Variants in BCOR observed in about 807,000 individuals in gnomAD.
BCOR encodes the protein BCL6 corepressor, also known as BCL-6 corepressor.
A neutral mutation model predicts 86.7 loss-of-function variants in BCOR; 10 were observed. The ratio of observed to expected loss-of-function variants is 0.12; its 90% CI spans 0.07 to 0.20. The LOEUF (loss-of-function observed/expected upper bound fraction) is 0.20. BCOR is among the 10% of genes least tolerant of loss of function. BCOR has a pLI of 1.00. For missense variants in BCOR, 1,259 were observed against 1,452.1 expected, an observed-to-expected ratio of 0.87 and a Z score of 2.16; for synonymous variants, 611 against 609.0, an observed-to-expected ratio of 1.00 and a Z score of -0.05.
Position 40,074,437 on chromosome X carries a change from G to A in BCOR, c.909C>T (p.Ala303=), listed in dbSNP as rs150340697. The A allele has an allele frequency of 7.5e-5, 90 of 1,206,989 alleles. 1 individual carries two copies. The African/African-American group carries it at 1.4e-3, about 19-fold the overall frequency. The change falls in exon 4 of 15, where the codon GCC becomes GCT. Residue 303 remains alanine, a synonymous_variant. Coordinates refer to ENST00000378444, the MANE Select transcript of BCOR (RefSeq NM_001123385.2). The part of the protein sequence containing the change: ...VSPGNPVDSH[A]YPHIQNSKQP... The stretch of plus-strand genomic sequence containing the variant: ...GCTTACTGTTCTGGATGTGAGGATA[G>A]GCGTGGGAATCAACAGGATTCCCAG...
chrX:40,084,403 C>A (rs1007923168), intron 1 of BCOR, among the ~76,000 whole-genome samples: 19 of 112,045 alleles, frequency 1.7e-4, no homozygotes, highest in Admixed American at 8.4e-4. Context: ...CAGGAAACCA[C>A]GTGTGTATTC....
intron 1 of BCOR, among the ~76,000 whole-genome samples, chrX:40,149,988 C>T (rs1938136461): frequency 8.9e-6 from 1 of 112,371 alleles, no homozygotes; most frequent in South Asian, 3.6e-4. Flanking sequence ...GGAAAGGGGA[C>T]GAGAAGGAGA....
chrX:40,089,250 T>C, intron 1 of BCOR, among the ~76,000 whole-genome samples: 1 of 111,641 alleles, frequency 9.0e-6, no homozygotes, highest in East Asian at 2.8e-4. Flanking sequence ...ATTCCCAGTC[T>C]TACAAATGAA....
At chrX:40,125,006 G>A (rs889061719) in intron 1 of BCOR, among the ~76,000 whole-genome samples, 1 of 106,291 alleles carries the variant, frequency 9.4e-6, no homozygotes, top group Non-Finnish European at 1.9e-5. Context: ...GACAGAGGAT[G>A]GAGGGGTGTG....
chrX:40,093,488 G>C (rs1275868431), intron 1 of BCOR, among the ~76,000 whole-genome samples: 1 of 111,379 alleles, frequency 9.0e-6, no homozygotes, highest in Non-Finnish European at 1.9e-5. Flanking sequence ...GCTGAAGAAA[G>C]AACTAGATAA....
intron 1 of BCOR, among the ~76,000 whole-genome samples, chrX:40,138,015 C>T (rs1243288115): frequency 2.7e-5 from 3 of 111,000 alleles, no homozygotes; most frequent in African/African-American, 9.8e-5. Context: ...TGCAATGGCG[C>T]TATCTTGGCT....
At chrX:40,069,607 G>A (rs1046396854) in intron 6 of BCOR, among the ~76,000 whole-genome samples, 3 of 112,499 alleles carry the variant, frequency 2.7e-5, no homozygotes, top group Admixed American at 1.9e-4. Flanking sequence ...CTTATGTATG[G>A]CACTCCCTCT....
chrX:40,128,537 C>A (rs1937570819), intron 1 of BCOR, among the ~76,000 whole-genome samples: 1 of 111,697 alleles, frequency 9.0e-6, no homozygotes, highest in East Asian at 2.8e-4. Context: ...CAGAGTGAGA[C>A]CCTGTCTCCA....
intron 1 of BCOR, among the ~76,000 whole-genome samples, chrX:40,112,868 T>G (rs1263429176): frequency 1.8e-5 from 2 of 110,463 alleles, no homozygotes; most frequent in Non-Finnish European, 3.8e-5. Context: ...GCTCTTTGCT[T>G]TAACTCCCTT....
rs933611569 is a variant in BCOR, at chrX:40,074,826, C to T, written c.520G>A (p.Asp174Asn). Residue 174 changes from aspartate (D) to asparagine (N), a missense_variant, in exon 4 of 15, where the codon GAC (aspartate) becomes AAC (asparagine). Physicochemically the swap from Asp to Asn is conservative, Grantham distance 23 (BLOSUM62 1). Coordinates refer to ENST00000378444, the MANE Select transcript of BCOR (RefSeq NM_001123385.2). Reference sequence around the variant, plus strand: ...TTGATGTTGAGAGGGCTCTGTTTGTCGCTGGCAGGCCTGTCCAAGCCCAGC... The same window carrying T: ...TTGATGTTGAGAGGGCTCTGTTTGTTGCTGGCAGGCCTGTCCAAGCCCAGC... The part of the protein sequence containing the change: ...EALGLDRPAS[D>N]KQSPLNINGA... 2.4e-5 allele frequency: 29 copies of T among 1,209,898 alleles called. No homozygotes were observed. Among genetic ancestry groups the T allele is most frequent in the Non-Finnish European group, 3.0e-5 (27 of 895,177 alleles).
chrX:40,138,439 G>C (rs752296971), intron 1 of BCOR, among the ~76,000 whole-genome samples: 1 of 111,940 alleles, frequency 8.9e-6, no homozygotes, highest in Admixed American at 9.5e-5. Context: ...CCATCAACTC[G>C]GCCAAATGAC....
intron 6 of BCOR, among the ~76,000 whole-genome samples, chrX:40,068,581 T>A (rs950160366): frequency 8.9e-6 from 1 of 111,991 alleles, no homozygotes; most frequent in African/African-American, 3.3e-5. Flanking sequence ...ACACCCAAAT[T>A]CAAGAAGGAA....
chrX:40,152,638 G>A (rs1165205008), intron 1 of BCOR, among the ~76,000 whole-genome samples: 1 of 112,710 alleles, frequency 8.9e-6, no homozygotes, highest in African/African-American at 3.2e-5. Context: ...CCAAGCCTAG[G>A]GGAAGGGGGT....
chrX:40,083,422 C>T lies in BCOR; in HGVS notation c.-40-5453G>A, dbSNP rs765802534. Among the ~76,000 whole-genome samples, 14 of 112,138 alleles carry T rather than the reference C, an allele frequency of 1.2e-4. No individual in the cohort carries two copies. The South Asian group carries it at 5.2e-3, about 42-fold the overall frequency. Reference sequence around the variant, plus strand: ...TAGCCAGCACGGGCGTCCCCGCCCACACCTCCAAGTTTTGCATTAGTAAGG... The same window carrying T: ...TAGCCAGCACGGGCGTCCCCGCCCATACCTCCAAGTTTTGCATTAGTAAGG... On this transcript the variant is annotated intron_variant, in intron 1 of 14. Coordinates refer to ENST00000378444, the MANE Select transcript of BCOR (RefSeq NM_001123385.2).
At chrX:40,062,015 C>G in intron 10 of BCOR, 124 bp downstream of exon 10, 1 of 903,072 alleles carries the variant, frequency 1.1e-6, no homozygotes, top group East Asian at 3.4e-5. Context: ...CCTGTTGGAG[C>G]ACCGGCCCAG....
At chrX:40,128,169 G>A (rs1449078825) in intron 1 of BCOR, among the ~76,000 whole-genome samples, 1 of 111,181 alleles carries the variant, frequency 9.0e-6, no homozygotes, top group African/African-American at 3.3e-5. Context: ...AAGTTGTAGT[G>A]AGCTGAGATC....
chrX:40,164,796 C>T (rs1938482034), intron 1 of BCOR, among the ~76,000 whole-genome samples: 1 of 112,493 alleles, frequency 8.9e-6, no homozygotes, highest in Non-Finnish European at 1.9e-5. Flanking sequence ...ATTTTCTTCC[C>T]AATTCCCCTA....
chrX:40,156,051 G>A (rs1291515182), intron 1 of BCOR, among the ~76,000 whole-genome samples: 1 of 113,475 alleles, frequency 8.8e-6, no homozygotes, highest in Non-Finnish European at 1.9e-5. Context: ...CTGCTGTCGT[G>A]GTCACACCCT....
At chrX:40,140,772 T>C (rs1213878164) in intron 1 of BCOR, among the ~76,000 whole-genome samples, 1 of 113,183 alleles carries the variant, frequency 8.8e-6, no homozygotes, top group Non-Finnish European at 1.9e-5. Context: ...TGGTCCAATA[T>C]CCTTCCTATT....
Sources: allele counts gnomAD v4.1 joint callset (sites outside exome capture counted in the v4.1 genomes callset), GRCh38; gene constraint gnomAD v4.1.1; transcripts MANE v1.5; gene names NCBI Gene and HGNC (gene_info 2026-07-23, HGNC 2026-07-21).